The following TRPC7 variants were observed in gnomAD, a reference collection of about 807,000 sequenced individuals.
TRPC7 encodes short transient receptor potential channel 7.
Under a neutral mutation model 90.1 loss-of-function variants are expected in TRPC7, and 42 were observed. The ratio of observed to expected loss-of-function variants is 0.47; its 90% CI spans 0.36 to 0.60. The LOEUF (loss-of-function observed/expected upper bound fraction) is 0.60, where lower values mean the gene tolerates loss of function less well. Ranked by LOEUF, TRPC7 falls within the 20% of genes least tolerant of loss-of-function variation. The pLI is 0.00. For synonymous variants in TRPC7, 451 were observed against 436.3 expected, an observed-to-expected ratio of 1.03 and a Z score of -0.42; for missense variants, 955 against 1,112.3, an observed-to-expected ratio of 0.86 and a Z score of 2.01.
chr5:136,274,955 G>A, intron 3 of TRPC7, 118 bp from the exon 4 acceptor site: 1 of 1,198,158 alleles, frequency 8.3e-7, no homozygotes, highest in Non-Finnish European at 1.1e-6. Flanking sequence ...CTGGGGGGTG[G>A]TTGAGGAACC....
intron 3 of TRPC7, among the ~76,000 whole-genome samples, chr5:136,309,544 T>C (rs1758760379): frequency 6.6e-6 from 1 of 152,182 alleles, no homozygotes; most frequent in African/African-American, 2.4e-5. Context: ...GGATTATGCT[T>C]TCTGGTCCTT....
chr5:136,232,239 C>A (rs1484369244), intron 7 of TRPC7, among the ~76,000 whole-genome samples: 2 of 152,180 alleles, frequency 1.3e-5, no homozygotes, highest in Non-Finnish European at 2.9e-5. Context: ...CTAACCATTT[C>A]TTCTCAGACT....
intron 3 of TRPC7, among the ~76,000 whole-genome samples, chr5:136,304,534 C>T (rs1366838235): frequency 6.6e-6 from 1 of 152,204 alleles, no homozygotes; most frequent in African/African-American, 2.4e-5. Flanking sequence ...CCTCCCTCTA[C>T]TACCCATTAT....
intron 2 of TRPC7, among the ~76,000 whole-genome samples, chr5:136,342,290 C>A (rs564111120): frequency 6.6e-6 from 1 of 152,320 alleles, no homozygotes; most frequent in African/African-American, 2.4e-5. Flanking sequence ...CCAAGCCCAT[C>A]CTGGAGAGCT....
At chr5:136,357,524 T>C (rs1441333941) in intron 1 of TRPC7, 139 bp from the exon 2 acceptor site, 21 of 947,630 alleles carry the variant, frequency 2.2e-5, no homozygotes, top group Non-Finnish European at 3.0e-5. Context: ...AATCATTGTC[T>C]TAATCATCAA....
chr5:136,335,000 C>A (rs1759608225), intron 2 of TRPC7, among the ~76,000 whole-genome samples: 2 of 152,144 alleles, frequency 1.3e-5, no homozygotes, highest in Non-Finnish European at 2.9e-5. Flanking sequence ...TAAGTGATTG[C>A]ATTTAAATAA....
chr5:136,353,368 T>C (rs1436959467), intron 2 of TRPC7, among the ~76,000 whole-genome samples: 1 of 152,126 alleles, frequency 6.6e-6, no homozygotes, highest in Non-Finnish European at 1.5e-5. Context: ...TGAATGAGTA[T>C]TTTAGGGGAT....
At chr5:136,314,533 C>A (rs1431666392) in intron 3 of TRPC7, among the ~76,000 whole-genome samples, 3 of 152,146 alleles carry the variant, frequency 2.0e-5, no homozygotes, top group Non-Finnish European at 4.4e-5. Flanking sequence ...GAGTCTTAGG[C>A]AAAGTTGTTT....
intron 10 of TRPC7, among the ~76,000 whole-genome samples, chr5:136,223,868 G>A (rs1432795155): frequency 6.6e-6 from 1 of 152,140 alleles, no homozygotes; most frequent in African/African-American, 2.4e-5. Flanking sequence ...CAAAGGCTTT[G>A]GTCTGTAAAA....
chr5:136,303,502 A>G (rs948991220), intron 3 of TRPC7, among the ~76,000 whole-genome samples: 4 of 151,982 alleles, frequency 2.6e-5, no homozygotes, highest in Non-Finnish European at 5.9e-5. Context: ...CCCAGCCACA[A>G]CTTCAGCACA....
chr5:136,315,522 A>C, intron 3 of TRPC7, 75 bp downstream of exon 3: 1 of 1,513,254 alleles, frequency 6.6e-7, no homozygotes, highest in Non-Finnish European at 9.0e-7. Context: ...TAAAATAGAC[A>C]TGAGCAAAAA....
At chr5:136,236,630 T>C (rs1404208009) in intron 7 of TRPC7, among the ~76,000 whole-genome samples, 1 of 152,142 alleles carries the variant, frequency 6.6e-6, no homozygotes. Flanking sequence ...TTGGGGCTGA[T>C]TTGTCATGCA....
intron 2 of TRPC7, among the ~76,000 whole-genome samples, chr5:136,318,102 G>A (rs1309780146): frequency 6.6e-6 from 1 of 152,172 alleles, no homozygotes; most frequent in Non-Finnish European, 1.5e-5. Flanking sequence ...AGGCCTGCGA[G>A]GAAGAAGATG....
At chr5:136,300,123 GC>G (rs1237248915) in intron 3 of TRPC7, among the ~76,000 whole-genome samples, 3 of 152,162 alleles carry the variant, frequency 2.0e-5, no homozygotes, top group African/African-American at 7.2e-5. Flanking sequence ...AGCAAAACAG[GC>G]AAAAAGCAAT....
At chr5:136,294,480 G>C (rs1758085692) in intron 3 of TRPC7, among the ~76,000 whole-genome samples, 3 of 151,920 alleles carry the variant, frequency 2.0e-5, no homozygotes, top group African/African-American at 7.3e-5. Flanking sequence ...GTGGGCGAAG[G>C]ATATGAACAG....
At chr5:136,298,045 G>A (rs1561707406) in intron 3 of TRPC7, among the ~76,000 whole-genome samples, 2 of 152,158 alleles carry the variant, frequency 1.3e-5, no homozygotes, top group East Asian at 1.9e-4. Flanking sequence ...CTCTATGCTG[G>A]GGATACAGTG....
intron 2 of TRPC7, among the ~76,000 whole-genome samples, chr5:136,333,078 A>G (rs1745713646): frequency 6.6e-6 from 1 of 152,218 alleles, no homozygotes; most frequent in Non-Finnish European, 1.5e-5. Flanking sequence ...GAACATGAAA[A>G]TAAATGTTAA....
chr5:136,225,256 T>G lies in TRPC7; in HGVS notation c.2343+18A>C, dbSNP rs1755587800. 2 of 1,610,716 alleles carry G rather than the reference T, an allele frequency of 1.2e-6. No homozygotes were observed. Among genetic ancestry groups the G allele is most frequent in the Admixed American group, 3.4e-5 (2 of 59,632 alleles). On this transcript the variant is annotated intron_variant, in intron 10 of 11. Transcript: ENST00000513104. ...CTACTTCTGCCCATGCTTGGATGCT[T>G]GGGAAAGGGGTGGTTACCTGGTATC...
Position 136,226,086 on chromosome 5 carries a change from G to A in TRPC7, c.2210C>T (p.Ala737Val). ...TTCAAGGTCATTTTCACAGCTTTTG[G>A]CCTTAGATTTGCAGAGTTTTATGAG... ...MCLIKLCKSK[A>V]KSCENDLEMG... is the part of the protein sequence containing the mutation. The change falls in exon 9 of 12, where the codon GCC becomes GTC. Residue 737 changes from alanine to valine, a missense_variant. Ala to Val is a moderately conservative substitution (Grantham distance 64). Coordinates refer to ENST00000513104, the MANE Select transcript of TRPC7 (RefSeq NM_020389.3). 1 of 1,605,104 alleles carries A rather than the reference G, an allele frequency of 6.2e-7. No homozygotes were observed. Among genetic ancestry groups the A allele is most frequent in the Non-Finnish European group, 8.5e-7 (1 of 1,175,384 alleles).
Sources: allele counts gnomAD v4.1 joint callset (sites outside exome capture counted in the v4.1 genomes callset), GRCh38; gene constraint gnomAD v4.1.1; transcripts MANE v1.5; gene names NCBI Gene and HGNC (gene_info 2026-07-23, HGNC 2026-07-21).